JAKMIP2: variants seen among roughly 807,000 people sequenced by gnomAD.
JAKMIP2 encodes the protein janus kinase and microtubule interacting protein 2.
JAKMIP2 carries 25 observed loss-of-function variants against 115.0 expected under a neutral mutation model. The observed-to-expected ratio is 0.22, with a 90% CI of 0.16 to 0.30. The LOEUF (loss-of-function observed/expected upper bound fraction) is 0.30, where lower values mean the gene tolerates loss of function less well. Among genes scored for constraint, JAKMIP2 ranks in the 10% least tolerant of loss-of-function variants. The pLI is 1.00. For missense variants in JAKMIP2, 642 were observed against 957.6 expected (o/e 0.67, Z 4.35); for synonymous variants, 334 against 343.6 (o/e 0.97, Z 0.31).
intron 10 of JAKMIP2, among the ~76,000 whole-genome samples, chr5:147,638,246 TG>T (rs1757715999): frequency 6.6e-6 from 1 of 152,180 alleles, no homozygotes; most frequent in Admixed American, 6.5e-5. Flanking sequence ...TTTCTAAGAA[TG>T]GTAAGTTTTC....
chr5:147,675,121 A>T (rs749880165), intron 1 of JAKMIP2, among the ~76,000 whole-genome samples: 4 of 152,248 alleles, frequency 2.6e-5, no homozygotes, highest in Non-Finnish European at 5.9e-5. Context: ...GATACAATAG[A>T]TACATTTTAC....
chr5:147,586,173 G>C lies in JAKMIP2; in HGVS notation c.*5534C>G, dbSNP rs1754862289. ...CACTAAATGCTCGACAAAAACATGA[G>C]TTCCCAGCAGAAGCAGCAGCAGCGC... On this transcript the variant is annotated 3_prime_UTR_variant, in exon 22 of 22. Transcript: ENST00000616793. The C allele has an allele frequency of 6.6e-6, 1 of 152,112 alleles. No homozygotes were observed. Among genetic ancestry groups the C allele is most frequent in the African/African-American group, 2.4e-5 (1 of 41,408 alleles). 9.4% of individuals were successfully genotyped at this position (152,112 alleles called of 1,614,324 possible).
At chr5:147,628,910 A>G (rs1757232314) in intron 15 of JAKMIP2, 94 bp from the exon 16 acceptor site, 3 of 780,472 alleles carry the variant, frequency 3.8e-6, no homozygotes, top group Admixed American at 4.8e-5. Flanking sequence ...AGCATTCTGT[A>G]TAAGCCTGTA....
chr5:147,608,650 G>A (rs1756152507), intron 20 of JAKMIP2, among the ~76,000 whole-genome samples: 1 of 152,152 alleles, frequency 6.6e-6, no homozygotes, highest in Admixed American at 6.5e-5. Context: ...TGTATGTTCT[G>A]TTGATTTGGG....
chr5:147,629,663 A>G (rs775120914), intron 15 of JAKMIP2, 30 bp downstream of exon 15: 7 of 1,567,880 alleles, frequency 4.5e-6, no homozygotes, highest in South Asian at 1.1e-5. Flanking sequence ...AGGCAAATTC[A>G]TATCTATACT....
chr5:147,746,526 A>C (rs1422897540), intron 1 of JAKMIP2, among the ~76,000 whole-genome samples: 2 of 151,618 alleles, frequency 1.3e-5, no homozygotes, highest in African/African-American at 4.8e-5. Context: ...GTAAAATAAA[A>C]TATATAATTT....
At chr5:147,610,465 G>T (rs1224402753) in intron 20 of JAKMIP2, among the ~76,000 whole-genome samples, 1 of 152,160 alleles carries the variant, frequency 6.6e-6, no homozygotes, top group Non-Finnish European at 1.5e-5. Flanking sequence ...GCTGGAGTTT[G>T]CTGGGGGTCC....
chr5:147,715,438 T>C (rs199632904), intron 1 of JAKMIP2, among the ~76,000 whole-genome samples: 1 of 151,066 alleles, frequency 6.6e-6, no homozygotes, highest in African/African-American at 2.4e-5. Flanking sequence ...AATATACACA[T>C]ATAAAATAAT....
At chr5:147,775,590 AT>A (rs900764520) in intron 1 of JAKMIP2, among the ~76,000 whole-genome samples, 1 of 152,186 alleles carries the variant, frequency 6.6e-6, no homozygotes, top group African/African-American at 2.4e-5. Flanking sequence ...TTAATGATGG[AT>A]TGTTAAGTGT....
intron 1 of JAKMIP2, among the ~76,000 whole-genome samples, chr5:147,728,049 T>C (rs1482149006): frequency 6.6e-6 from 1 of 152,182 alleles, no homozygotes; most frequent in Non-Finnish European, 1.5e-5. Flanking sequence ...TAAGGCTCTG[T>C]TCTGTTTTGC....
intron 1 of JAKMIP2, among the ~76,000 whole-genome samples, chr5:147,732,586 T>A (rs545999978): frequency 6.6e-6 from 1 of 152,252 alleles, no homozygotes; most frequent in East Asian, 1.9e-4. Context: ...TGTATTCAGA[T>A]AGTAATAATG....
chr5:147,645,030 G>T, intron 5 of JAKMIP2, 34 bp from the exon 6 acceptor site: 1 of 1,608,120 alleles, frequency 6.2e-7, no homozygotes, highest in Non-Finnish European at 8.5e-7. Flanking sequence ...TGTGTCTTGC[G>T]TTTGGGGGAC....
intron 1 of JAKMIP2, among the ~76,000 whole-genome samples, chr5:147,747,609 C>T (rs903293626): frequency 4.6e-5 from 7 of 152,044 alleles, no homozygotes; most frequent in East Asian, 1.9e-4. Context: ...TCTTGTGTCC[C>T]GCAGACCATC....
intron 7 of JAKMIP2, among the ~76,000 whole-genome samples, chr5:147,643,408 C>T (rs547965222): frequency 5.3e-5 from 8 of 152,064 alleles, no homozygotes; most frequent in African/African-American, 1.4e-4. Flanking sequence ...GAGCAACCAA[C>T]GATGTCATTC....
chr5:147,781,676 A>G (rs1312279300), intron 1 of JAKMIP2, among the ~76,000 whole-genome samples: 1 of 152,240 alleles, frequency 6.6e-6, no homozygotes, highest in Non-Finnish European at 1.5e-5. Flanking sequence ...AGTAAATTTC[A>G]CATTAATCCA....
intron 3 of JAKMIP2, chr5:147,660,386 TA>T (rs1317147419): frequency 4.6e-6 from 2 of 432,232 alleles, no homozygotes; most frequent in Non-Finnish European, 9.2e-6. Context: ...ATGACTCCTG[TA>T]TACTTTGGGA....
rs139376209 is a variant in JAKMIP2, at chr5:147,619,350, T to C, written c.2143-1236A>G. 1.0e-3 allele frequency among the ~76,000 whole-genome samples: 153 copies of C among 146,644 alleles called. 1 individual carries two copies. The highest frequency in any genetic ancestry group is 3.8e-3 in the African/African-American group (141 of 37,216). On this transcript the variant is annotated intron_variant, in intron 18 of 21. Coordinates refer to ENST00000616793, the MANE Select transcript of JAKMIP2 (RefSeq NM_001270941.2). ...AGGTAGAAGTGAAGCAAAACTCACTTCCTTCTCTGTCTCTAATTAGCATCA... is the reference window on the plus strand; with the variant it reads ...AGGTAGAAGTGAAGCAAAACTCACTCCCTTCTCTGTCTCTAATTAGCATCA...
At chr5:147,704,864 A>G (rs1752504795) in intron 1 of JAKMIP2, among the ~76,000 whole-genome samples, 1 of 152,154 alleles carries the variant, frequency 6.6e-6, no homozygotes, top group African/African-American at 2.4e-5. Flanking sequence ...CTGTGTTTGA[A>G]GGTAGGTAGT....
At chr5:147,759,497 G>A (rs1235531772) in intron 1 of JAKMIP2, among the ~76,000 whole-genome samples, 1 of 152,058 alleles carries the variant, frequency 6.6e-6, no homozygotes, top group African/African-American at 2.4e-5. Context: ...AACAAAGAGA[G>A]TGCTAGTGGT....
Sources: allele counts gnomAD v4.1 joint callset (sites outside exome capture counted in the v4.1 genomes callset), GRCh38; gene constraint gnomAD v4.1.1; transcripts MANE v1.5; gene names NCBI Gene and HGNC (gene_info 2026-07-23, HGNC 2026-07-21).